The following ST3GAL4 variants were observed in gnomAD, a reference collection of about 807,000 sequenced individuals.
ST3GAL4 encodes ST3 beta-galactoside alpha-2,3-sialyltransferase 4.
Under a neutral mutation model 42.6 loss-of-function variants are expected in ST3GAL4, and 24 were observed. The observed-to-expected ratio is 0.56, with a 90% CI of 0.41 to 0.79. The LOEUF is 0.79. ST3GAL4 is among the 30% of genes least tolerant of loss of function. The pLI, the probability that ST3GAL4 is intolerant of heterozygous loss-of-function variation, is 0.00. For synonymous variants in ST3GAL4, 135 were observed against 163.2 expected (o/e 0.83, Z 1.32); for missense variants, 311 against 430.8 (o/e 0.72, Z 2.46).
Position 126,398,087 on chromosome 11 carries a change from C to A in ST3GAL4, c.-60-8009C>A, listed in dbSNP as rs1297833795. ...AATCCCAAATTCTTATTTGTTTCAGCACCACATTAAAAGTCCAAAGTCCAC... is the reference window on the plus strand; with the variant it reads ...AATCCCAAATTCTTATTTGTTTCAGAACCACATTAAAAGTCCAAAGTCCAC... On this transcript the variant is annotated intron_variant, in intron 1 of 10. Coordinates refer to ENST00000444328, the MANE Select transcript of ST3GAL4 (RefSeq NM_001254757.2). The surrounding 1 kb of genome is among the most constrained non-coding windows in gnomAD (Gnocchi z 4.7). Among the ~76,000 whole-genome samples, 4 of 152,210 alleles carry A rather than the reference C, an allele frequency of 2.6e-5. No individual in the cohort carries two copies. Among genetic ancestry groups the A allele is most frequent in the African/African-American group, 9.6e-5 (4 of 41,458 alleles).
chr11:126,379,679 C>T lies in ST3GAL4; in HGVS notation c.-61+23837C>T, dbSNP rs1230895621. ...TTTTAGTAGAGATGGGGTTTCACCA[C>T]GTTGGCCAGGCTGGTCTCAAACTCC... On this transcript the variant is annotated intron_variant, in intron 1 of 10. Coordinates refer to ENST00000444328, the MANE Select transcript of ST3GAL4 (RefSeq NM_001254757.2). The surrounding 1 kb of genome is among the most constrained non-coding windows in gnomAD (Gnocchi z 4.2). Among the ~76,000 whole-genome samples, 8 of 151,808 alleles carry T rather than the reference C, an allele frequency of 5.3e-5. No homozygotes were observed. The highest frequency in any genetic ancestry group is 1.2e-4 in the African/African-American group (5 of 41,318).
intron 1 of ST3GAL4, among the ~76,000 whole-genome samples, chr11:126,361,172 A>ATT (rs1429199924): frequency 6.6e-6 from 1 of 152,100 alleles, no homozygotes; most frequent in African/African-American, 2.4e-5. Flanking sequence ...TCCTCTCCTT[A>ATT]TTTGAGGCCC....
At chr11:126,413,770 C>A in intron 10 of ST3GAL4, 122 bp downstream of exon 10, 1 of 1,486,494 alleles carries the variant, frequency 6.7e-7, no homozygotes, top group Non-Finnish European at 9.1e-7. Flanking sequence ...AGAACTGGAA[C>A]CGAGGCACCT....
rs1591439446 is a variant in ST3GAL4 at position 126,378,251 on chromosome 11, C to T, written c.-61+22409C>T. ...AAAGGGTCAAAGTGCATCCTATTAC[C>T]CACGAGTTGGGGGTGATACGAATGT... On this transcript the variant is annotated intron_variant, in intron 1 of 10. Transcript: ENST00000444328. The surrounding 1 kb of genome is among the most constrained non-coding windows in gnomAD (Gnocchi z 5.3). Among the ~76,000 whole-genome samples the T allele has an allele frequency of 6.6e-6, 1 of 152,276 alleles. No homozygotes were observed. Among genetic ancestry groups the T allele is most frequent in the South Asian group, 2.1e-4 (1 of 4,822 alleles).
At chr11:126,369,119 A>C (rs1413131229) in intron 1 of ST3GAL4, among the ~76,000 whole-genome samples, 1 of 152,184 alleles carries the variant, frequency 6.6e-6, no homozygotes, top group East Asian at 1.9e-4. Flanking sequence ...CTAGTCAGTG[A>C]GAGGCACAGG....
chr11:126,383,826 C>T lies in ST3GAL4; in HGVS notation c.-60-22270C>T, dbSNP rs1481042285. On this transcript the variant is annotated intron_variant, in intron 1 of 10. Transcript: ENST00000444328. This position sits in a 1 kb window ranked among gnomAD's most constrained non-coding sequence, Gnocchi z 4.5. ...CTGGGCCCTGGACACCTAGAAGGGC[C>T]CCTCCTCCCCTCGTCTTCCCTCCCT... is the stretch of plus-strand genomic sequence containing the variant. 6.6e-6 allele frequency among the ~76,000 whole-genome samples: 1 copy of T among 152,140 alleles called. No homozygotes were observed. Among genetic ancestry groups the T allele is most frequent in the East Asian group, 1.9e-4 (1 of 5,182 alleles).
Position 126,392,526 on chromosome 11 carries a change from T to G in ST3GAL4, c.-60-13570T>G, listed in dbSNP as rs1953558466. ...TCTAGCAAGCCCCTTGTGCCTTAGATGCCCAGGTCTTTTCAGAATAAGCCT... is the reference window on the plus strand; with the variant it reads ...TCTAGCAAGCCCCTTGTGCCTTAGAGGCCCAGGTCTTTTCAGAATAAGCCT... On this transcript the variant is annotated intron_variant, in intron 1 of 10. Coordinates refer to ENST00000444328, the MANE Select transcript of ST3GAL4 (RefSeq NM_001254757.2). This position sits in a 1 kb window ranked among gnomAD's most constrained non-coding sequence, Gnocchi z 5.8. Among the ~76,000 whole-genome samples, 1 of 152,264 alleles carries G rather than the reference T, an allele frequency of 6.6e-6. No homozygotes were observed. Among genetic ancestry groups the G allele is most frequent in the Non-Finnish European group, 1.5e-5 (1 of 68,044 alleles).
intron 1 of ST3GAL4, 185 bp from the exon 2 acceptor site, chr11:126,405,911 A>G: frequency 2.8e-6 from 2 of 711,950 alleles, no homozygotes; most frequent in Non-Finnish European, 4.6e-6. Flanking sequence ...TGGATCCTTA[A>G]TGCCGCCCTT....
intron 1 of ST3GAL4, among the ~76,000 whole-genome samples, chr11:126,361,899 T>G (rs1952256012): frequency 1.3e-5 from 2 of 149,970 alleles, no homozygotes; most frequent in Non-Finnish European, 3.0e-5. Context: ...TTTTTTTTTT[T>G]GAGATGGAGT....
In ST3GAL4 at chr11:126,393,734, C is replaced by G. The variant is rs557408315; in HGVS notation, c.-60-12362C>G. 6.6e-6 allele frequency among the ~76,000 whole-genome samples: 1 copy of G among 152,266 alleles called. No individual in the cohort carries two copies. Among genetic ancestry groups the G allele is most frequent in the African/African-American group, 2.4e-5 (1 of 41,566 alleles). On this transcript the variant is annotated intron_variant, in intron 1 of 10. Transcript: ENST00000444328. The surrounding 1 kb of genome is among the most constrained non-coding windows in gnomAD (Gnocchi z 5.9). ...AGCAGGAATCCTGGAGATTTTCTAG[C>G]CCAACAGTGTCCGGTCAAAATAGAA...
At position 126,411,791 on chromosome 11, in the gene ST3GAL4, A is replaced by C. The variant is rs1418645567; in HGVS notation, c.772-1714A>C. Among the ~76,000 whole-genome samples the C allele has an allele frequency of 6.6e-6, 1 of 152,030 alleles. No individual in the cohort carries two copies. The highest frequency in any genetic ancestry group is 1.5e-5 in the Non-Finnish European group (1 of 68,012). On this transcript the variant is annotated intron_variant, in intron 9 of 10. Transcript: ENST00000444328. This position sits in a 1 kb window ranked among gnomAD's most constrained non-coding sequence, Gnocchi z 6.3. Reference sequence around the variant, plus strand: ...TACAGCCTCCATCTTCAAGCCAGCGACGGCACAATAGATCCTTTCTGTGCT... The same window carrying C: ...TACAGCCTCCATCTTCAAGCCAGCGCCGGCACAATAGATCCTTTCTGTGCT...
intron 1 of ST3GAL4, among the ~76,000 whole-genome samples, chr11:126,368,006 G>A (rs1481827235): frequency 2.6e-5 from 4 of 151,932 alleles, no homozygotes; most frequent in Non-Finnish European, 5.9e-5. Context: ...CAATTAGCTG[G>A]ACATAATGGC....
chr11:126,406,064 CT>C lies in ST3GAL4; in HGVS notation c.-60-31del, dbSNP rs1767890788. 1.3e-6 allele frequency: 2 copies of C among 1,551,010 alleles called. No individual in the cohort carries two copies. The highest frequency in any genetic ancestry group is 1.7e-6 in the Non-Finnish European group (2 of 1,146,766). On this transcript the variant is annotated intron_variant, in intron 1 of 10. Coordinates refer to ENST00000444328, the MANE Select transcript of ST3GAL4 (RefSeq NM_001254757.2). The surrounding 1 kb of genome is among the most constrained non-coding windows in gnomAD (Gnocchi z 5.4). ...TGTCTAGGCAGGAGAGTTTGTGAAG[CT>C]GACCGGACACCTGTGGCTCTTATTT...
intron 1 of ST3GAL4, among the ~76,000 whole-genome samples, chr11:126,377,789 A>G (rs1190471804): frequency 6.6e-6 from 1 of 152,174 alleles, no homozygotes; most frequent in Non-Finnish European, 1.5e-5. Flanking sequence ...ACACCTTTCT[A>G]CCAATTAGGG....
intron 1 of ST3GAL4, among the ~76,000 whole-genome samples, chr11:126,387,627 T>C (rs1484925053): frequency 6.6e-6 from 1 of 151,546 alleles, no homozygotes; most frequent in East Asian, 1.9e-4. Context: ...TGAGCTGAGA[T>C]TGGGCCTTTG....
Position 126,406,982 on chromosome 11 carries a change from C to T in ST3GAL4, c.141C>T (p.Leu47=), listed in dbSNP as rs780959468. 7.4e-6 allele frequency: 12 copies of T among 1,614,058 alleles called. No individual in the cohort carries two copies. Among genetic ancestry groups the T allele is most frequent in the East Asian group, 6.7e-5 (3 of 44,856 alleles). Residue 47 remains leucine, a synonymous_variant, in exon 4 of 11, where the codon CTC becomes CTT. Transcript: ENST00000444328. This position sits in a 1 kb window ranked among gnomAD's most constrained non-coding sequence, Gnocchi z 5.4. The part of the protein sequence containing the change: ...FPIPEKKEPC[L]QGEAESKASK... ...TCCCAGAGAAGAAGGAGCCGTGCCT[C>T]CAGGGTGAGGCAGAGAGCAAGGCCT...
chr11:126,390,787 G>A lies in ST3GAL4; in HGVS notation c.-60-15309G>A, dbSNP rs541607085. Among the ~76,000 whole-genome samples, 7 of 152,016 alleles carry A rather than the reference G, an allele frequency of 4.6e-5. No homozygotes were observed. In the East Asian group the frequency reaches 9.7e-4, roughly 21 times the overall value. On this transcript the variant is annotated intron_variant, in intron 1 of 10. Coordinates refer to ENST00000444328, the MANE Select transcript of ST3GAL4 (RefSeq NM_001254757.2). ...GCTACCATCCCACCATCCATCTCCCGAACTCTCTTCATCTTGCCAAACTGA... is the reference window on the plus strand; with the variant it reads ...GCTACCATCCCACCATCCATCTCCCAAACTCTCTTCATCTTGCCAAACTGA...
Position 126,413,563 on chromosome 11 carries a change from A to T in ST3GAL4, c.830A>T (p.His277Leu). 6.2e-7 allele frequency: 1 copy of T among 1,614,264 alleles called. No individual in the cohort carries two copies. Reference protein sequence around the residue: ...TLALHLCDLVHIAGFGYPDAY... With the variant: ...TLALHLCDLVLIAGFGYPDAY... ...GCCCTCCACCTCTGTGACTTGGTGC[A>T]CATTGCCGGCTTTGGCTACCCAGAC... The change falls in exon 10 of 11, where the codon CAC becomes CTC. Residue 277 changes from histidine (H) to leucine (L), a missense_variant. Transcript: ENST00000444328.
rs539438061 is a variant in ST3GAL4, at chr11:126,396,128, G to A, written c.-60-9968G>A. Among the ~76,000 whole-genome samples, 19 of 152,070 alleles carry A rather than the reference G, an allele frequency of 1.2e-4. No individual in the cohort carries two copies. In the South Asian group the frequency reaches 3.3e-3, roughly 27 times the overall value. ...GAGAACTCCCCAGCCCGTAGCCTGC[G>A]CTCACTGTACCTGGCAGTTGTATTA... On this transcript the variant is annotated intron_variant, in intron 1 of 10. Coordinates refer to ENST00000444328, the MANE Select transcript of ST3GAL4 (RefSeq NM_001254757.2). The surrounding 1 kb of genome is among the most constrained non-coding windows in gnomAD (Gnocchi z 5.8).
Sources: allele counts gnomAD v4.1 joint callset (sites outside exome capture counted in the v4.1 genomes callset), GRCh38; gene constraint gnomAD v4.1.1; non-coding constraint Gnocchi (gnomAD v3.1); transcripts MANE v1.5; gene names NCBI Gene and HGNC (gene_info 2026-07-23, HGNC 2026-07-21).